The following ARPP21 variants were observed in gnomAD, a reference collection of about 807,000 sequenced individuals.
The protein encoded by ARPP21 is cAMP regulated phosphoprotein 21, also known as cAMP-regulated phosphoprotein 21.
A neutral mutation model predicts 113.2 loss-of-function variants in ARPP21; 69 were observed. The observed-to-expected ratio is 0.61, with a 90% CI of 0.50 to 0.74. The LOEUF (loss-of-function observed/expected upper bound fraction) is 0.74, where lower values mean the gene tolerates loss of function less well. ARPP21 is among the 30% of genes least tolerant of loss of function. The probability of loss-of-function intolerance (pLI) is 0.00; values close to 1 mark genes in which losing one functional copy is unlikely to be tolerated. For missense variants in ARPP21, 1,070 were observed against 1,037.4 expected (o/e 1.03, Z -0.43); for synonymous variants, 368 against 375.5 (o/e 0.98, Z 0.23).
intron 14 of ARPP21, among the ~76,000 whole-genome samples, chr3:35,722,799 T>C (rs1243297124): frequency 2.6e-5 from 4 of 152,226 alleles, no homozygotes; most frequent in Non-Finnish European, 5.9e-5. Context: ...AATGCCCTCA[T>C]GGTCGGCCAT....
chr3:35,791,547 C>A (rs555051562), intron 19 of ARPP21, among the ~76,000 whole-genome samples: 2 of 152,192 alleles, frequency 1.3e-5, no homozygotes, highest in South Asian at 4.1e-4. Context: ...TATAAGGATG[C>A]ATTTTAAACC....
intron 1 of ARPP21, among the ~76,000 whole-genome samples, chr3:35,667,948 A>AAAGAAGAAGAAGAAG (rs4025938): frequency 8.6e-5 from 5 of 58,076 alleles, no homozygotes; most frequent in Admixed American, 2.2e-4. Context: ...GAGAAGAAGA[A>AAAGAAGAAGAAGAAG]AAGAAGAAGA....
In ARPP21 at chr3:35,737,288, C is replaced by G. The variant is rs199541246; in HGVS notation, c.1570C>G (p.Gln524Glu). ...VGQSQQQPPQ[Q>E]QPSPQPQQQV... ...GCAGTCCCAACAGCAGCCACCACAGCAGCAGCCCTCCCCGCAGCCCCAACA... is the reference window on the plus strand; with the variant it reads ...GCAGTCCCAACAGCAGCCACCACAGGAGCAGCCCTCCCCGCAGCCCCAACA... The change falls in exon 16 of 21, where the codon CAG (glutamine) becomes GAG (glutamate). Residue 524 changes from glutamine (Q) to glutamate (E), a missense_variant. Coordinates refer to ENST00000684406, the MANE Select transcript of ARPP21 (RefSeq NM_001385562.1). 66 of 1,613,002 alleles carry G rather than the reference C, an allele frequency of 4.1e-5. No individual in the cohort carries two copies. The highest frequency in any genetic ancestry group is 7.6e-6 in the Non-Finnish European group (9 of 1,179,268).
At chr3:35,666,455 A>G (rs9870736) in intron 1 of ARPP21, among the ~76,000 whole-genome samples, 4,405 of 152,272 alleles carry the variant, frequency 0.029, 212 homozygotes, top group African/African-American at 0.098. Context: ...AACATATTTT[A>G]TGATAATTTA....
intron 19 of ARPP21, among the ~76,000 whole-genome samples, chr3:35,764,634 C>A (rs1410840418): frequency 6.6e-6 from 1 of 152,106 alleles, no homozygotes; most frequent in East Asian, 1.9e-4. Flanking sequence ...CCTTCTTAAG[C>A]ATAGTTTTCT....
intron 6 of ARPP21, among the ~76,000 whole-genome samples, chr3:35,688,866 A>G (rs2081384102): frequency 6.9e-6 from 1 of 145,984 alleles, no homozygotes; most frequent in Admixed American, 7.3e-5. Context: ...AGATAGTCTC[A>G]TAACAGAACA....
chr3:35,728,154 A>G (rs1035392588), intron 14 of ARPP21, among the ~76,000 whole-genome samples: 1 of 20,910 alleles, frequency 4.8e-5, no homozygotes, highest in African/African-American at 1.4e-4. Context: ...ATATTACATT[A>G]ATAATAATAA....
intron 1 of ARPP21, among the ~76,000 whole-genome samples, chr3:35,644,669 G>A (rs909047534): frequency 6.6e-6 from 1 of 151,854 alleles, no homozygotes; most frequent in East Asian, 1.9e-4. Context: ...AGACAGTGGA[G>A]GGGATATTGC....
At chr3:35,740,250 C>T (rs1487774254) in intron 18 of ARPP21, among the ~76,000 whole-genome samples, 2 of 152,220 alleles carry the variant, frequency 1.3e-5, no homozygotes, top group Admixed American at 6.5e-5. Context: ...CTGGTACTCT[C>T]TTGGGTATCC....
chr3:35,759,676 C>CTCTGTGTGTGTGTGTG (rs747297264), intron 19 of ARPP21, among the ~76,000 whole-genome samples: 6 of 140,794 alleles, frequency 4.3e-5, no homozygotes, highest in African/African-American at 1.1e-4. Flanking sequence ...TTTTCTCTCT[C>CTCTGTGTGTGTGTGTG]TGTGTGTGTG....
At chr3:35,793,671 T>A (rs373926738) in intron 20 of ARPP21, 30 bp from the exon 21 acceptor site, 3 of 1,581,630 alleles carry the variant, frequency 1.9e-6, no homozygotes, top group Non-Finnish European at 2.6e-6. Flanking sequence ...AGTCTCTTCA[T>A]ACAGGGTTCT....
intron 15 of ARPP21, 32 bp downstream of exon 15, chr3:35,729,568 A>T: frequency 6.5e-7 from 1 of 1,536,286 alleles, no homozygotes; most frequent in Middle Eastern, 1.7e-4. Flanking sequence ...CAGGGACACA[A>T]GGCTTTCAGA....
In ARPP21 at chr3:35,716,849, T is replaced by A. The variant is rs377190361; in HGVS notation, c.936-449T>A. Among the ~76,000 whole-genome samples the A allele has an allele frequency of 2.0e-5, 3 of 152,010 alleles. No homozygotes were observed. The East Asian group carries it at 5.8e-4, about 29-fold the overall frequency. ...ATATATGTATTGCCTTCTCTTTAGG[T>A]TAACAGGTCTTGATGGTCCTGGAAA... is the stretch of plus-strand genomic sequence containing the variant. On this transcript the variant is annotated intron_variant, in intron 12 of 20. Transcript: ENST00000684406.
intron 19 of ARPP21, among the ~76,000 whole-genome samples, chr3:35,771,290 G>T (rs1421890077): frequency 2.6e-5 from 4 of 151,698 alleles, no homozygotes; most frequent in Non-Finnish European, 5.9e-5. Flanking sequence ...CTAGAGTTAA[G>T]AAGTTTATGT....
chr3:35,643,039 A>C lies in ARPP21; in HGVS notation c.-213+2641A>C, dbSNP rs578019081. On this transcript the variant is annotated intron_variant, in intron 1 of 20. Transcript: ENST00000684406. ...AACATTATAGTGTGTACAATGCAAG[A>C]AGCCATCTGTCTGCAACATTTGTAT... is the stretch of plus-strand genomic sequence containing the variant. Among the ~76,000 whole-genome samples, 14 of 152,272 alleles carry C rather than the reference A, an allele frequency of 9.2e-5. No homozygotes were observed. The South Asian group carries it at 2.9e-3, about 32-fold the overall frequency.
In ARPP21 at chr3:35,737,185, C is replaced by T. The variant is rs2094410728; in HGVS notation, c.1467C>T (p.Pro489=). ...GTTCTGATTCCATTGCAGGCCAGCC[C>T]TTTGTGAATCCCGATGGAACTCCTG... ...SILLNPHTGQ[P]FVNPDGTPAI... is the part of the protein sequence containing the mutation. Residue 489 remains proline, a synonymous_variant, in exon 16 of 21, where the codon CCC becomes CCT. Transcript: ENST00000684406. 1.9e-6 allele frequency: 3 copies of T among 1,605,346 alleles called. No individual in the cohort carries two copies. The highest frequency in any genetic ancestry group is 2.6e-6 in the Non-Finnish European group (3 of 1,173,966).
At chr3:35,667,955 A>AAGG (rs1559548895) in intron 1 of ARPP21, among the ~76,000 whole-genome samples, 3 of 19,310 alleles carry the variant, frequency 1.6e-4, no homozygotes, top group Admixed American at 1.2e-3. Flanking sequence ...AGAAAAGAAG[A>AAGG]AGAAGAAGAA....
chr3:35,656,507 A>G (rs1705003110), intron 1 of ARPP21, among the ~76,000 whole-genome samples: 1 of 152,116 alleles, frequency 6.6e-6, no homozygotes, highest in Non-Finnish European at 1.5e-5. Flanking sequence ...ACTAATCGAC[A>G]CAATAGTTTG....
At chr3:35,691,100 A>G in intron 9 of ARPP21, 95 bp downstream of exon 9, 2 of 1,309,986 alleles carry the variant, frequency 1.5e-6, no homozygotes, top group Non-Finnish European at 1.0e-6. Flanking sequence ...CATGACATTT[A>G]AAATGTGCAG....
Sources: gnomAD v4.1 joint callset for allele counts (sites outside exome capture counted in the v4.1 genomes callset) on GRCh38, gnomAD v4.1.1 for gene constraint, MANE v1.5 for transcripts, NCBI Gene and HGNC (gene_info 2026-07-23, HGNC 2026-07-21) for gene names.